Variants in HESX1 observed in about 807,000 individuals in gnomAD.
The protein encoded by HESX1 is HESX homeobox 1.
A neutral mutation model predicts 22.5 loss-of-function variants in HESX1; 11 were observed. The ratio of observed to expected loss-of-function variants is 0.49; its 90% confidence interval spans 0.31 to 0.81. The LOEUF (loss-of-function observed/expected upper bound fraction) is 0.81. Ranked by LOEUF, HESX1 falls within the 30% of genes least tolerant of loss-of-function variation. The pLI, the probability that HESX1 is intolerant of heterozygous loss-of-function variation, is 0.05. For missense variants in HESX1, 201 were observed against 212.6 expected (o/e 0.95, Z 0.34); for synonymous variants, 74 against 76.5 (o/e 0.97, Z 0.17).
chr3:57,199,750 G>C lies in HESX1; in HGVS notation c.157+12C>G. The stretch of plus-strand genomic sequence containing the variant: ...AATAACAAAGAATTGAAACAATTAA[G>C]CTGTGGCATACCTGATGAGCTGCAG... On this transcript the variant is annotated intron_variant, in intron 1 of 3. Coordinates refer to ENST00000295934, the MANE Select transcript of HESX1 (RefSeq NM_003865.3). 6.2e-7 allele frequency: 1 copy of C among 1,613,376 alleles called. No individual in the cohort carries two copies. Among genetic ancestry groups the C allele is most frequent in the Non-Finnish European group, 8.5e-7 (1 of 1,179,302 alleles).
At chr3:57,225,003 G>A (rs1206917653) in intron 1 of HESX1, among the ~76,000 whole-genome samples, 1 of 152,154 alleles carries the variant, frequency 6.6e-6, no homozygotes, top group African/African-American at 2.4e-5. Flanking sequence ...ACCCACACGA[G>A]TCGCCAGTAA....
chr3:57,214,678 T>C (rs1257397000), intron 1 of HESX1, among the ~76,000 whole-genome samples: 1 of 152,202 alleles, frequency 6.6e-6, no homozygotes, highest in Admixed American at 6.5e-5. Context: ...TACTTACTTA[T>C]TGCTGTTATC....
At chr3:57,212,095 AGT>A (rs2060558048) in intron 1 of HESX1, among the ~76,000 whole-genome samples, 1 of 152,216 alleles carries the variant, frequency 6.6e-6, no homozygotes, top group Admixed American at 6.5e-5. Context: ...ACAATTAAAA[AGT>A]ATTTCAGCCT....
upstream of HESX1, among the ~76,000 whole-genome samples, chr3:57,201,056 G>C (rs547225467): frequency 6.6e-6 from 1 of 152,194 alleles, no homozygotes; most frequent in Admixed American, 6.5e-5. Flanking sequence ...AAATTTAAGT[G>C]CTTAGCTTTA....
chr3:57,198,769 G>C lies in HESX1; in HGVS notation c.341C>G (p.Ala114Gly), dbSNP rs775262192. The C allele has an allele frequency of 1.9e-6, 3 of 1,613,976 alleles. No individual in the cohort carries two copies. The highest frequency in any genetic ancestry group is 2.5e-6 in the Non-Finnish European group (3 of 1,179,946). Residue 114 changes from alanine (A) to glycine (G), a missense_variant, in exon 2 of 4, where the codon GCT becomes GGT. Coordinates refer to ENST00000295934, the MANE Select transcript of HESX1 (RefSeq NM_003865.3). ...ACTTCCCACCTGGTTTTGAGTAAAA[G>C]CAGTTCTTGGTCTTCGGCCTCTATA... ...SWYRGRRPRT[A>G]FTQNQIEVLE...
At chr3:57,199,993 C>G (rs2060475603), upstream of HESX1, 1 of 1,315,308 alleles carries the variant, frequency 7.6e-7, no homozygotes, top group Admixed American at 1.7e-5. Flanking sequence ...CTGGGATCTT[C>G]CTGCAGTTCA....
At chr3:57,214,788 G>GGT (rs1179802827) in intron 1 of HESX1, among the ~76,000 whole-genome samples, 2 of 152,026 alleles carry the variant, frequency 1.3e-5, no homozygotes, top group African/African-American at 2.4e-5. Context: ...CAGAGACAGG[G>GGT]GTGTGTGTGT....
chr3:57,224,078 C>T (rs1559503179), intron 1 of HESX1, among the ~76,000 whole-genome samples: 1 of 152,138 alleles, frequency 6.6e-6, no homozygotes, highest in South Asian at 2.1e-4. Context: ...CTGCAACCTC[C>T]GCCTCCCAAG....
intron 1 of HESX1, 44 bp from the exon 2 acceptor site, chr3:57,198,996 T>C (rs1229726088): frequency 7.8e-6 from 12 of 1,548,356 alleles, no homozygotes; most frequent in East Asian, 2.2e-5. Flanking sequence ...GTCAATCTTA[T>C]GTTCCACAAA....
chr3:57,217,838 A>AT (rs1337352722), intron 1 of HESX1, among the ~76,000 whole-genome samples: 1 of 152,124 alleles, frequency 6.6e-6, no homozygotes, highest in Non-Finnish European at 1.5e-5. Context: ...TCCGGCCACC[A>AT]AACACCCTCT....
upstream of HESX1, among the ~76,000 whole-genome samples, chr3:57,227,426 T>G (rs967193409): frequency 6.6e-6 from 1 of 152,208 alleles, no homozygotes; most frequent in African/African-American, 2.4e-5. Flanking sequence ...CAAAATATGT[T>G]GCGGGAAAAG....
intron 1 of HESX1, among the ~76,000 whole-genome samples, chr3:57,207,342 G>T (rs1375366633): frequency 1.3e-5 from 2 of 152,178 alleles, no homozygotes; most frequent in Non-Finnish European, 2.9e-5. Context: ...TCTGAGATGT[G>T]AGTAGAAACA....
chr3:57,227,111 C>T (rs1423332097), upstream of HESX1, among the ~76,000 whole-genome samples: 2 of 152,172 alleles, frequency 1.3e-5, no homozygotes, highest in African/African-American at 4.8e-5. Context: ...GTTGGAGTTG[C>T]AGCGTCAGTC....
At chr3:57,209,004 G>C (rs1035875295) in intron 1 of HESX1, among the ~76,000 whole-genome samples, 1 of 152,040 alleles carries the variant, frequency 6.6e-6, no homozygotes, top group Non-Finnish European at 1.5e-5. Context: ...TGGATGGATG[G>C]ATAAATATGT....
intron 1 of HESX1, among the ~76,000 whole-genome samples, chr3:57,214,492 C>T (rs889525021): frequency 6.6e-5 from 10 of 152,166 alleles, no homozygotes; most frequent in Admixed American, 2.6e-4. Flanking sequence ...GTCTAAATTC[C>T]AGCTCTTCTT....
chr3:57,224,557 GA>G (rs2060632474), intron 1 of HESX1, among the ~76,000 whole-genome samples: 1 of 152,138 alleles, frequency 6.6e-6, no homozygotes, highest in African/African-American at 2.4e-5. Flanking sequence ...GACTTAACTG[GA>G]GAGATTCCCA....
rs1269560976 is a variant in HESX1 at position 57,226,408 on chromosome 3, TGTAAGA to T, written c.-229_-224del. ...ACACAACTGGGAACCCTTAACTCAT[TGTAAGA>T]ACTGCCTCCAAATCAACTTCCTCAA... On this transcript the variant is annotated 5_prime_UTR_variant, in exon 1 of 3. Transcript: ENST00000495160. 8.5e-5 allele frequency: 13 copies of T among 152,216 alleles called. No homozygotes were observed. In the East Asian group the frequency reaches 2.5e-3, roughly 29 times the overall value. The allele number at this position is 152,216 out of a possible 1,614,324, so 9.4% of individuals were successfully genotyped here.
At chr3:57,199,730 C>G (rs1409473885) in intron 1 of HESX1, 32 bp downstream of exon 1, 49 of 1,609,650 alleles carry the variant, frequency 3.0e-5, no homozygotes, top group Non-Finnish European at 4.0e-5. Context: ...AATGAAATAA[C>G]AAAGAATTGA....
intron 1 of HESX1, among the ~76,000 whole-genome samples, chr3:57,217,735 C>A (rs767989531): frequency 3.9e-4 from 60 of 152,132 alleles, no homozygotes; most frequent in Non-Finnish European, 7.1e-4. Flanking sequence ...CTGCACCAAA[C>A]TCCCACCCCA....
Sources: allele counts gnomAD v4.1 joint callset (sites outside exome capture counted in the v4.1 genomes callset), GRCh38; gene constraint gnomAD v4.1.1; transcripts MANE v1.5; gene names NCBI Gene and HGNC (gene_info 2026-07-23, HGNC 2026-07-21).